DMD: variants seen among roughly 807,000 people sequenced by gnomAD.
DMD encodes the protein dystrophin.
DMD carries 63 observed loss-of-function variants against 330.1 expected under a neutral mutation model. The ratio of observed to expected loss-of-function variants is 0.19; its 90% CI spans 0.16 to 0.24. DMD has a LOEUF of 0.24. Among genes scored for constraint, DMD ranks in the 10% least tolerant of loss-of-function variants. The pLI is 1.00. For synonymous variants in DMD, 1,223 were observed against 959.8 expected (o/e 1.27, Z -5.07); for missense variants, 3,344 against 2,684.1 (o/e 1.25, Z -5.43).
chrX:32,456,972 A>C (rs966804961), intron 25 of DMD, among the ~76,000 whole-genome samples: 14 of 106,791 alleles, frequency 1.3e-4, no homozygotes, highest in Non-Finnish European at 2.3e-4. Context: ...AAAAAAAAAA[A>C]AAAAAACTTA....
chrX:31,997,305 A>G (rs1183412023), intron 44 of DMD, among the ~76,000 whole-genome samples: 1 of 111,621 alleles, frequency 9.0e-6, no homozygotes, highest in Non-Finnish European at 1.9e-5. Flanking sequence ...ACCTTAAGGC[A>G]ACCTAGGTGG....
intron 44 of DMD, among the ~76,000 whole-genome samples, chrX:32,089,213 A>G (rs1444039851): frequency 9.1e-6 from 1 of 109,464 alleles, no homozygotes; most frequent in Non-Finnish European, 1.9e-5. Flanking sequence ...CCCCCATCTC[A>G]CCTCCTCAGA....
At chrX:31,214,959 T>TTTTTTTTTA in intron 64 of DMD, among the ~76,000 whole-genome samples, 1 of 93,615 alleles carries the variant, frequency 1.1e-5, no homozygotes, top group Non-Finnish European at 2.1e-5. Flanking sequence ...TTTTTTTTTT[T>TTTTTTTTTA]GAGACCGAGT....
At chrX:31,242,700 A>G (rs865906756) in intron 63 of DMD, among the ~76,000 whole-genome samples, 23 of 95,103 alleles carry the variant, frequency 2.4e-4, no homozygotes, top group East Asian at 6.8e-4. Flanking sequence ...ACAATAAGAT[A>G]TGTGTGTGTG....
intron 48 of DMD, among the ~76,000 whole-genome samples, chrX:31,861,677 C>T (rs377715440): frequency 1.2e-4 from 11 of 88,187 alleles, no homozygotes; most frequent in East Asian, 3.9e-4. Context: ...TATATATATA[C>T]ACACACACAC....
At chrX:32,750,900 A>G (rs2070725390) in intron 7 of DMD, among the ~76,000 whole-genome samples, 1 of 111,614 alleles carries the variant, frequency 9.0e-6, no homozygotes, top group Admixed American at 9.5e-5. Context: ...TAAGTTTCAC[A>G]AAATCTGATG....
intron 59 of DMD, among the ~76,000 whole-genome samples, chrX:31,471,202 A>G (rs1302632934): frequency 9.0e-6 from 1 of 111,215 alleles, no homozygotes; most frequent in Admixed American, 9.5e-5. Flanking sequence ...GGGATATGAA[A>G]AAAACGCCTG....
At chrX:31,695,606 T>C (rs1475636447) in intron 52 of DMD, among the ~76,000 whole-genome samples, 1 of 110,222 alleles carries the variant, frequency 9.1e-6, no homozygotes, top group Admixed American at 9.7e-5. Flanking sequence ...ACCTAGGAAA[T>C]TCTGTCATTT....
intron 2 of DMD, among the ~76,000 whole-genome samples, chrX:32,896,878 G>A (rs567205493): frequency 1.8e-5 from 2 of 112,318 alleles, no homozygotes; most frequent in African/African-American, 6.5e-5. Flanking sequence ...GTGGTACGCA[G>A]AACTTGAATT....
chrX:32,324,472 C>A (rs1161144569), intron 41 of DMD, among the ~76,000 whole-genome samples: 1 of 110,536 alleles, frequency 9.0e-6, no homozygotes, highest in Non-Finnish European at 1.9e-5. Context: ...ATTTAGAAAA[C>A]CATTTTTTAA....
chrX:31,586,375 T>C (rs1000433389), intron 55 of DMD, among the ~76,000 whole-genome samples: 1 of 112,587 alleles, frequency 8.9e-6, no homozygotes, highest in African/African-American at 3.2e-5. Context: ...ATTTAAAAGC[T>C]ACATATGTGC....
rs10624675 is a variant in DMD at position 33,106,054 on chromosome X, C to CACACACA, written c.32-85855_32-85854insTGTGTGT. Reference sequence around the variant, plus strand: ...ATAAAGAAAATGTGAGATACACACACCACACACACACACACACACACACAC... The same window carrying CACACACA: ...ATAAAGAAAATGTGAGATACACACACACACACACACACACACACACACACACACACAC... On this transcript the variant is annotated intron_variant, in intron 1 of 78. Coordinates refer to ENST00000357033, the MANE Select transcript of DMD (RefSeq NM_004006.3). Among the ~76,000 whole-genome samples, 181 of 89,436 alleles carry CACACACA rather than the reference C, an allele frequency of 2.0e-3. 1 individual carries two copies. Among genetic ancestry groups the CACACACA allele is most frequent in the Middle Eastern group, 5.3e-3 (1 of 188 alleles). The allele number at this position is 89,436 out of a possible 115,157, so 77.7% of individuals were successfully genotyped here.
intron 4 of DMD, among the ~76,000 whole-genome samples, chrX:32,827,083 AGCAG>A (rs1260615893): frequency 4.4e-5 from 4 of 91,518 alleles, no homozygotes; most frequent in African/African-American, 1.7e-4. Context: ...ACACACACAC[AGCAG>A]CAGCCACAGA....
intron 52 of DMD, among the ~76,000 whole-genome samples, chrX:31,723,792 T>C (rs62589510): frequency 0.41 from 45,506 of 109,834 alleles, 7,443 homozygotes; most frequent in African/African-American, 0.56. Context: ...GTCTTATTCA[T>C]GACCAGGTCA....
intron 42 of DMD, among the ~76,000 whole-genome samples, chrX:32,305,569 C>A (rs905978871): frequency 9.0e-6 from 1 of 111,261 alleles, no homozygotes; most frequent in African/African-American, 3.3e-5. Flanking sequence ...CAAGTCCAAG[C>A]CACCAGCATC....
chrX:32,492,077 T>C (rs2043051148), intron 19 of DMD, among the ~76,000 whole-genome samples: 1 of 112,267 alleles, frequency 8.9e-6, no homozygotes, highest in African/African-American at 3.2e-5. Context: ...CGGTGGCTCA[T>C]GCCTATAATT....
chrX:33,158,557 T>A (rs1002984773), intron 1 of DMD, among the ~76,000 whole-genome samples: 1 of 111,838 alleles, frequency 8.9e-6, no homozygotes, highest in African/African-American at 3.3e-5. Flanking sequence ...TGTGCCATAA[T>A]AGATAATCCT....
chrX:31,859,044 A>G (rs992147904), intron 48 of DMD, among the ~76,000 whole-genome samples: 7 of 112,106 alleles, frequency 6.2e-5, no homozygotes, highest in Non-Finnish European at 1.3e-4. Context: ...TATAGTCAGC[A>G]GAGAACCGTA....
chrX:31,663,952 A>G (rs2081275151), intron 53 of DMD, among the ~76,000 whole-genome samples: 1 of 111,976 alleles, frequency 8.9e-6, no homozygotes, highest in Non-Finnish European at 1.9e-5. Flanking sequence ...TTCTGACAGA[A>G]GTCACTATGG....
Sources: allele counts gnomAD v4.1 joint callset (sites outside exome capture counted in the v4.1 genomes callset), GRCh38; gene constraint gnomAD v4.1.1; transcripts MANE v1.5; gene names NCBI Gene and HGNC (gene_info 2026-07-23, HGNC 2026-07-21).